The following SLC35F3 variants were observed in gnomAD, a reference collection of about 807,000 sequenced individuals.
The protein encoded by SLC35F3 is putative thiamine transporter SLC35F3.
A neutral mutation model predicts 49.9 loss-of-function variants in SLC35F3; 25 were observed. The ratio of observed to expected loss-of-function variants is 0.50; its 90% CI spans 0.37 to 0.70. SLC35F3 has a LOEUF of 0.70. SLC35F3 is among the 30% of genes least tolerant of loss of function. The pLI is 0.00. For missense variants in SLC35F3, 525 were observed against 639.8 expected (o/e 0.82, Z 1.94); for synonymous variants, 275 against 265.4 (o/e 1.04, Z -0.35).
chr1:234,169,909 A>G (rs1341254414), intron 2 of SLC35F3, among the ~76,000 whole-genome samples: 1 of 152,164 alleles, frequency 6.6e-6, no homozygotes, highest in African/African-American at 2.4e-5. Context: ...CTGGGACTAC[A>G]GGCACCCACC....
At chr1:233,995,264 A>G (rs1251651285) in intron 2 of SLC35F3, among the ~76,000 whole-genome samples, 4 of 152,212 alleles carry the variant, frequency 2.6e-5, no homozygotes, top group African/African-American at 4.8e-5. Context: ...AGGCAGATAT[A>G]TAGGTCTGGA....
At chr1:234,321,442 C>T (rs2102999699) in intron 7 of SLC35F3, among the ~76,000 whole-genome samples, 1 of 152,330 alleles carries the variant, frequency 6.6e-6, no homozygotes, top group Middle Eastern at 3.4e-3. Flanking sequence ...ATGCAGAAAG[C>T]ACCTGAGCTC....
chr1:234,107,847 C>T (rs1461350899), intron 2 of SLC35F3, among the ~76,000 whole-genome samples: 2 of 152,092 alleles, frequency 1.3e-5, no homozygotes, highest in African/African-American at 2.4e-5. Context: ...AATGGAAGCA[C>T]TCAAAGTACA....
chr1:234,281,852 A>G (rs1182083063), intron 3 of SLC35F3, among the ~76,000 whole-genome samples: 1 of 151,994 alleles, frequency 6.6e-6, no homozygotes, highest in African/African-American at 2.4e-5. Context: ...GGGGTAGAGT[A>G]CATTGTGAAG....
intron 2 of SLC35F3, among the ~76,000 whole-genome samples, chr1:234,001,439 T>C (rs1199887016): frequency 6.6e-6 from 1 of 152,220 alleles, no homozygotes; most frequent in Non-Finnish European, 1.5e-5. Context: ...ATTGAATGAA[T>C]GGCTATTGTC....
At chr1:233,932,147 G>A (rs914155600) in intron 2 of SLC35F3, among the ~76,000 whole-genome samples, 5 of 152,076 alleles carry the variant, frequency 3.3e-5, no homozygotes, top group African/African-American at 1.2e-4. Context: ...GGCCTGTCTG[G>A]GGGTGGGGGG....
At chr1:233,983,453 G>A (rs537350169) in intron 2 of SLC35F3, among the ~76,000 whole-genome samples, 4 of 152,160 alleles carry the variant, frequency 2.6e-5, no homozygotes, top group Non-Finnish European at 5.9e-5. Context: ...ATCTACAATC[G>A]ATTTCTATTT....
At chr1:234,183,062 G>C (rs1329724192) in intron 2 of SLC35F3, among the ~76,000 whole-genome samples, 1 of 142,830 alleles carries the variant, frequency 7.0e-6, no homozygotes, top group Non-Finnish European at 1.5e-5. Flanking sequence ...TGTCACCCAG[G>C]CTAGAGTGCA....
At chr1:233,960,015 G>A (rs1662768614) in intron 2 of SLC35F3, among the ~76,000 whole-genome samples, 1 of 152,158 alleles carries the variant, frequency 6.6e-6, no homozygotes, top group South Asian at 2.1e-4. Flanking sequence ...TTCCTCTTCA[G>A]CACATGTGCC....
In SLC35F3 at chr1:234,024,676, T is replaced by C. The variant is rs1663951003; in HGVS notation, c.283+118918T>C. ...TTCTTATAAAGCCCTGCTCCTGTGA[T>C]AACCCATGATCCACTAACTCATTGA... On this transcript the variant is annotated intron_variant, in intron 2 of 7. Coordinates refer to ENST00000366618, the MANE Select transcript of SLC35F3 (RefSeq NM_173508.4). Among the ~76,000 whole-genome samples the C allele has an allele frequency of 4.6e-5, 7 of 152,260 alleles. No homozygotes were observed. In the South Asian group the frequency reaches 1.5e-3, roughly 32 times the overall value.
chr1:234,215,596 C>A (rs1004770898), intron 2 of SLC35F3, among the ~76,000 whole-genome samples: 2 of 152,210 alleles, frequency 1.3e-5, no homozygotes, highest in African/African-American at 4.8e-5. Flanking sequence ...CCATGGGCTC[C>A]GACAGAGCCT....
chr1:234,154,515 C>T lies in SLC35F3; in HGVS notation c.284-76902C>T, dbSNP rs77718313. Among the ~76,000 whole-genome samples, 1,114 of 152,154 alleles carry T rather than the reference C, an allele frequency of 7.3e-3. 19 individuals carry two copies. Among genetic ancestry groups the T allele is most frequent in the African/African-American group, 0.024 (1,005 of 41,504 alleles). ...GAAACAGTTGCTTCCAAGTCTAAGCCGGAAATGTGTAAGATGAGCCTGGGA... is the reference window on the plus strand; with the variant it reads ...GAAACAGTTGCTTCCAAGTCTAAGCTGGAAATGTGTAAGATGAGCCTGGGA... On this transcript the variant is annotated intron_variant, in intron 2 of 7. Coordinates refer to ENST00000366618, the MANE Select transcript of SLC35F3 (RefSeq NM_173508.4).
rs1212376528 is a variant in SLC35F3 at position 234,320,266 on chromosome 1, A to G, written c.1237+79A>G. On this transcript the variant is annotated intron_variant, in intron 7 of 7. Transcript: ENST00000366618. The surrounding 1 kb of genome is among the most constrained non-coding windows in gnomAD (Gnocchi z 4.8). ...TACTCACACACACATACACACACTC[A>G]TGCATACATACACACTCACACATAC... 2.8e-5 allele frequency: 27 copies of G among 967,700 alleles called. No individual in the cohort carries two copies. The Admixed American group carries it at 4.4e-4, about 16-fold the overall frequency. 59.9% of individuals were successfully genotyped at this position (967,700 alleles called of 1,614,324 possible).
intron 2 of SLC35F3, among the ~76,000 whole-genome samples, chr1:234,190,168 G>A (rs543180219): frequency 4.6e-5 from 7 of 152,110 alleles, no homozygotes; most frequent in African/African-American, 1.4e-4. Flanking sequence ...CAAAAAAACC[G>A]AGGTATTCAA....
intron 3 of SLC35F3, among the ~76,000 whole-genome samples, chr1:234,253,471 A>G (rs1328855403): frequency 6.7e-6 from 1 of 148,564 alleles, no homozygotes; most frequent in East Asian, 2.0e-4. Context: ...AAAAAAAAGG[A>G]GAATAGATAT....
At chr1:233,931,754 A>G (rs1427679600) in intron 2 of SLC35F3, among the ~76,000 whole-genome samples, 1 of 152,226 alleles carries the variant, frequency 6.6e-6, no homozygotes, top group African/African-American at 2.4e-5. Flanking sequence ...AAGGATTTAG[A>G]ACTAGGAATA....
At chr1:234,075,183 A>T (rs1357567468) in intron 2 of SLC35F3, among the ~76,000 whole-genome samples, 1 of 152,254 alleles carries the variant, frequency 6.6e-6, no homozygotes, top group East Asian at 1.9e-4. Flanking sequence ...CCATGTTAGA[A>T]CAAAGGACAC....
At chr1:234,029,420 C>G (rs956298799) in intron 2 of SLC35F3, among the ~76,000 whole-genome samples, 1 of 152,144 alleles carries the variant, frequency 6.6e-6, no homozygotes, top group Admixed American at 6.5e-5. Context: ...TCAATGGTGA[C>G]GGGTCTTACA....
chr1:233,980,397 C>T (rs922419725), intron 2 of SLC35F3, among the ~76,000 whole-genome samples: 2 of 152,178 alleles, frequency 1.3e-5, no homozygotes, highest in Non-Finnish European at 2.9e-5. Flanking sequence ...TAGTGCCCAC[C>T]TGGGACTTGG....
Sources: allele counts gnomAD v4.1 joint callset (sites outside exome capture counted in the v4.1 genomes callset), GRCh38; gene constraint gnomAD v4.1.1; non-coding constraint Gnocchi (gnomAD v3.1); transcripts MANE v1.5; gene names NCBI Gene and HGNC (gene_info 2026-07-23, HGNC 2026-07-21).